Variants in NPHP4 observed in about 807,000 individuals in gnomAD.
The protein encoded by NPHP4 is nephrocystin 4, also known as nephrocystin-4.
In NPHP4, 151 loss-of-function variants were observed where a neutral mutation model predicts 155.8. That is an observed-to-expected ratio of 0.97 (90% confidence interval 0.85 to 1.11). The LOEUF (loss-of-function observed/expected upper bound fraction) is 1.11. Among genes scored for constraint, NPHP4 ranks in the 50% least tolerant of loss-of-function variants. The pLI is 0.00. For synonymous variants in NPHP4, 845 were observed against 816.8 expected, an observed-to-expected ratio of 1.03 and a Z score of -0.59; for missense variants, 1,956 against 1,925.7, an observed-to-expected ratio of 1.02 and a Z score of -0.29.
Position 5,875,005 on chromosome 1 carries a change from C to T in NPHP4, c.2913G>A (p.Leu971=). 1 of 1,612,046 alleles carries T rather than the reference C, an allele frequency of 6.2e-7. No individual in the cohort carries two copies. Among genetic ancestry groups the T allele is most frequent in the Non-Finnish European group, 8.5e-7 (1 of 1,179,866 alleles). The change falls in exon 21 of 30, where the codon CTG becomes CTA. Residue 971 remains leucine (L), a synonymous_variant. Transcript: ENST00000378156. ...TGTGCTCCGTGGTGATGGCCAGGCT[C>T]AGCAGGCTGGCGATGCTCTCGGCCT... is the stretch of plus-strand genomic sequence containing the variant. ...RTKAESIASL[L]SLAITTEHTL...
intron 3 of NPHP4, among the ~76,000 whole-genome samples, chr1:5,975,262 A>G (rs1653337986): frequency 6.6e-6 from 1 of 152,210 alleles, no homozygotes; most frequent in South Asian, 2.1e-4. Context: ...TTTGCTCTGT[A>G]TGAGAATGCC....
chr1:5,879,880 C>A (rs1052448543), intron 19 of NPHP4, among the ~76,000 whole-genome samples: 2 of 151,254 alleles, frequency 1.3e-5, no homozygotes, highest in Admixed American at 6.6e-5. Flanking sequence ...CATGCACACA[C>A]AGACACGCAC....
intron 20 of NPHP4, among the ~76,000 whole-genome samples, chr1:5,876,720 T>G (rs1357670983): frequency 6.6e-6 from 1 of 152,218 alleles, no homozygotes; most frequent in Non-Finnish European, 1.5e-5. Flanking sequence ...GGGGAATTTT[T>G]CTAGCCAGAA....
Position 5,889,830 on chromosome 1 carries a change from G to A in NPHP4, c.2304+1038C>T, listed in dbSNP as rs557047577. On this transcript the variant is annotated intron_variant, in intron 17 of 29. Transcript: ENST00000378156. The surrounding 1 kb of genome is among the most constrained non-coding windows in gnomAD (Gnocchi z 4.2). ...CATGAGAAGAGCAGCCAAGCCCTGC[G>A]GAGTCCCTGCCACCTGCAGACCCCA... Among the ~76,000 whole-genome samples the A allele has an allele frequency of 3.3e-5, 5 of 152,308 alleles. No individual in the cohort carries two copies. The highest frequency in any genetic ancestry group is 2.1e-4 in the South Asian group (1 of 4,828).
rs1018364053 is a variant in NPHP4 at position 5,951,986 on chromosome 1, G to A, written c.810+714C>T. On this transcript the variant is annotated intron_variant, in intron 7 of 29. Transcript: ENST00000378156. ...CACGACGCAGACATCCCTCCCAGGG[G>A]CCACAGGCAAACAGGCTCAAAAGCC... Among the ~76,000 whole-genome samples the A allele has an allele frequency of 3.9e-5, 6 of 152,368 alleles. No individual in the cohort carries two copies. The East Asian group carries it at 9.6e-4, about 24-fold the overall frequency.
At chr1:5,928,553 A>G (rs1409756595) in intron 10 of NPHP4, among the ~76,000 whole-genome samples, 1 of 152,216 alleles carries the variant, frequency 6.6e-6, no homozygotes, top group Non-Finnish European at 1.5e-5. Flanking sequence ...CATTTCTCCA[A>G]GAGTAGGACT....
intron 9 of NPHP4, among the ~76,000 whole-genome samples, chr1:5,939,398 C>T (rs1364078463): frequency 6.6e-6 from 1 of 152,016 alleles, no homozygotes; most frequent in African/African-American, 2.4e-5. Context: ...TGGGTTGGGC[C>T]GGTGTAAAGC....
intron 9 of NPHP4, among the ~76,000 whole-genome samples, chr1:5,942,510 A>G (rs11804463): frequency 0.91 from 116,924 of 127,876 alleles, 53,631 homozygotes; most frequent in African/African-American, 0.98. Flanking sequence ...CAGCCTGGGC[A>G]ACAGAGCGAG....
chr1:5,863,151 AG>A lies in NPHP4; in HGVS notation c.*113del. On this transcript the variant is annotated 3_prime_UTR_variant, in exon 30 of 30. Transcript: ENST00000378156. Reference sequence around the variant, plus strand: ...CCTCAGCCAAGTGCACAGGTCAGCCAGGTGGGCACTGAAGTGAAAGGCTGCA... The same window carrying A: ...CCTCAGCCAAGTGCACAGGTCAGCCAGTGGGCACTGAAGTGAAAGGCTGCA... 8.7e-7 allele frequency: 1 copy of A among 1,143,302 alleles called. No individual in the cohort carries two copies. The highest frequency in any genetic ancestry group is 1.3e-6 in the Non-Finnish European group (1 of 757,720). 70.8% of individuals were successfully genotyped at this position (1,143,302 alleles called of 1,614,324 possible).
Position 5,877,284 on chromosome 1 carries a change from GCAC to G in NPHP4, c.2623_2625del (p.Val875del), listed in dbSNP as rs1642714416. ...TCCACGTCCGCCAGCTTCTGTGCTT[GCAC>G]CACGTGTTTTCCTGCGAAAGGGTCA... On this transcript the variant is annotated inframe_deletion, in exon 20 of 30. Transcript: ENST00000378156. 1 of 1,595,414 alleles carries G rather than the reference GCAC, an allele frequency of 6.3e-7. No homozygotes were observed. Among genetic ancestry groups the G allele is most frequent in the South Asian group, 1.1e-5 (1 of 89,750 alleles).
intron 29 of NPHP4, 114 bp from the exon 30 acceptor site, chr1:5,863,519 G>T: frequency 3.0e-6 from 4 of 1,333,524 alleles, no homozygotes; most frequent in Non-Finnish European, 1.1e-6. Context: ...AGGCAGGGGA[G>T]CCCTGCGGGT....
intron 3 of NPHP4, among the ~76,000 whole-genome samples, chr1:5,971,348 A>G (rs1652525876): frequency 6.6e-6 from 1 of 152,238 alleles, no homozygotes; most frequent in East Asian, 1.9e-4. Context: ...CAGAAGAGTC[A>G]GCCGCTCCAA....
At chr1:5,909,962 C>T (rs908077477) in intron 11 of NPHP4, among the ~76,000 whole-genome samples, 1 of 152,344 alleles carries the variant, frequency 6.6e-6, no homozygotes. Flanking sequence ...ACATGGACAC[C>T]TCATGGCCCA....
At chr1:5,971,298 A>C (rs778185375) in intron 3 of NPHP4, among the ~76,000 whole-genome samples, 3 of 152,248 alleles carry the variant, frequency 2.0e-5, no homozygotes, top group African/African-American at 4.8e-5. Flanking sequence ...TGCTTGTCTC[A>C]GCTGATCCAA....
At chr1:5,912,257 G>C (rs991199302) in intron 11 of NPHP4, among the ~76,000 whole-genome samples, 5 of 152,190 alleles carry the variant, frequency 3.3e-5, no homozygotes, top group African/African-American at 1.2e-4. Flanking sequence ...AGTGACGATA[G>C]GCCGGGCACG....
intron 16 of NPHP4, among the ~76,000 whole-genome samples, chr1:5,896,433 C>T (rs1211054754): frequency 6.6e-6 from 1 of 152,208 alleles, no homozygotes; most frequent in East Asian, 1.9e-4. Context: ...AAAGGAGCTG[C>T]GAAGAATCTG....
Position 5,863,849 on chromosome 1 carries a change from C to A in NPHP4, c.4140+41G>T, listed in dbSNP as rs753206301. The A allele has an allele frequency of 5.0e-6, 8 of 1,608,526 alleles. No individual in the cohort carries two copies. The African/African-American group carries it at 8.0e-5, about 16-fold the overall frequency. On this transcript the variant is annotated intron_variant, in intron 29 of 29. Transcript: ENST00000378156. The stretch of plus-strand genomic sequence containing the variant: ...GCTAACTGCCCTCCATTCAGGTCCC[C>A]GGGTCTTCCCCTAGGAGTCCCAGGC...
At chr1:5,871,588 C>G (rs982470606) in intron 23 of NPHP4, among the ~76,000 whole-genome samples, 1 of 152,170 alleles carries the variant, frequency 6.6e-6, no homozygotes, top group African/African-American at 2.4e-5. Context: ...CATTTTCCAC[C>G]CTGGATGGAA....
At position 5,905,628 on chromosome 1, in the gene NPHP4, T is replaced by C; in HGVS notation, c.1763+4A>G. 6.2e-7 allele frequency: 1 copy of C among 1,613,766 alleles called. No homozygotes were observed. The highest frequency in any genetic ancestry group is 1.7e-5 in the Admixed American group (1 of 59,994). On this transcript the variant is annotated splice_donor_region_variant and intron_variant, in intron 14 of 29. Transcript: ENST00000378156. This position sits in a 1 kb window ranked among gnomAD's most constrained non-coding sequence, Gnocchi z 4.0. ...GTTCCATCCCACCCAGACCCACACCTCACCTCCTGGTCTGGGTTCCCACAA... is the reference window on the plus strand; with the variant it reads ...GTTCCATCCCACCCAGACCCACACCCCACCTCCTGGTCTGGGTTCCCACAA...
Sources: allele counts gnomAD v4.1 joint callset (sites outside exome capture counted in the v4.1 genomes callset), GRCh38; gene constraint gnomAD v4.1.1; non-coding constraint Gnocchi (gnomAD v3.1); transcripts MANE v1.5; gene names NCBI Gene and HGNC (gene_info 2026-07-23, HGNC 2026-07-21).